Variants in HSD11B1 observed in about 807,000 individuals in gnomAD.
HSD11B1 encodes the protein hydroxysteroid 11-beta dehydrogenase 1, also known as 11-beta-hydroxysteroid dehydrogenase 1.
HSD11B1 carries 15 observed loss-of-function variants against 22.1 expected under a neutral mutation model. That is an observed-to-expected ratio of 0.68 (90% CI 0.45 to 1.04). The LOEUF (loss-of-function observed/expected upper bound fraction) is 1.04, where lower values mean the gene tolerates loss of function less well. Ranked by LOEUF, HSD11B1 falls within the 50% of genes least tolerant of loss-of-function variation. HSD11B1 has a pLI of 0.00. For missense variants in HSD11B1, 281 were observed against 357.6 expected, an observed-to-expected ratio of 0.79 and a Z score of 1.73; for synonymous variants, 122 against 125.2, an observed-to-expected ratio of 0.97 and a Z score of 0.17.
In HSD11B1 at chr1:209,727,122, A is replaced by G. The variant is rs1484750885; in HGVS notation, c.518-5314A>G. Reference sequence around the variant, plus strand: ...TGAATCCAATGACAAGTAACCTTATATGAAGAGTAAAAGACACAGACAGAA... The same window carrying G: ...TGAATCCAATGACAAGTAACCTTATGTGAAGAGTAAAAGACACAGACAGAA... On this transcript the variant is annotated intron_variant, in intron 4 of 5. Transcript: ENST00000367027. 2.0e-5 allele frequency among the ~76,000 whole-genome samples: 3 copies of G among 152,342 alleles called. No individual in the cohort carries two copies. In the East Asian group the frequency reaches 5.8e-4, roughly 29 times the overall value.
At chr1:209,716,953 C>T (rs538434235) in intron 4 of HSD11B1, among the ~76,000 whole-genome samples, 1 of 151,940 alleles carries the variant, frequency 6.6e-6, no homozygotes, top group Non-Finnish European at 1.5e-5. Flanking sequence ...ACTATGAAAC[C>T]AGAAGAAAAT....
chr1:209,698,359 T>G (rs940697457), intron 1 of HSD11B1, among the ~76,000 whole-genome samples: 3 of 152,226 alleles, frequency 2.0e-5, no homozygotes, highest in Admixed American at 6.5e-5. Flanking sequence ...GGCAACCCTA[T>G]GTCCCACCAG....
chr1:209,734,269 T>C lies in HSD11B1; in HGVS notation c.662-35T>C, dbSNP rs756038412. Reference sequence around the variant, plus strand: ...CCTTCCATCATGTAGACTGTCCTAGTCAGATAACCCTACTCTTCCCTTGTC... The same window carrying C: ...CCTTCCATCATGTAGACTGTCCTAGCCAGATAACCCTACTCTTCCCTTGTC... On this transcript the variant is annotated intron_variant, in intron 5 of 5. Coordinates refer to ENST00000367027, the MANE Select transcript of HSD11B1 (RefSeq NM_005525.4). 10 of 1,540,768 alleles carry C rather than the reference T, an allele frequency of 6.5e-6. No individual in the cohort carries two copies. In the South Asian group the frequency reaches 1.0e-4, roughly 16 times the overall value.
intron 1 of HSD11B1, among the ~76,000 whole-genome samples, chr1:209,696,162 T>C (rs1008658252): frequency 6.6e-6 from 1 of 152,200 alleles, no homozygotes; most frequent in Non-Finnish European, 1.5e-5. Flanking sequence ...AGTCTATACA[T>C]GGAAATAAAA....
chr1:209,699,074 CCCT>C (rs2076810633), intron 1 of HSD11B1, among the ~76,000 whole-genome samples: 2 of 152,118 alleles, frequency 1.3e-5, no homozygotes. Flanking sequence ...AGAACTTCTC[CCCT>C]CGTTAGACAC....
At chr1:209,703,602 A>G (rs2076837732), upstream of HSD11B1, among the ~76,000 whole-genome samples, 1 of 152,160 alleles carries the variant, frequency 6.6e-6, no homozygotes, top group South Asian at 2.1e-4. Flanking sequence ...TGGGTCTTAA[A>G]TTATTTTCTC....
At chr1:209,715,073 G>A (rs1558194071) in intron 4 of HSD11B1, among the ~76,000 whole-genome samples, 2 of 152,164 alleles carry the variant, frequency 1.3e-5, no homozygotes. Context: ...TGGCACTGGG[G>A]TGTCAGAACC....
At chr1:209,690,515 AGTG>A (rs1190157697) in intron 1 of HSD11B1, among the ~76,000 whole-genome samples, 5 of 151,980 alleles carry the variant, frequency 3.3e-5, no homozygotes, top group African/African-American at 4.8e-5. Context: ...TGGCCAACAT[AGTG>A]AAACCCCATC....
At chr1:209,722,699 C>T (rs1300019317) in intron 4 of HSD11B1, among the ~76,000 whole-genome samples, 1 of 152,146 alleles carries the variant, frequency 6.6e-6, no homozygotes, top group Non-Finnish European at 1.5e-5. Context: ...GGGGCAGGAT[C>T]CCAGATGACT....
chr1:209,722,005 T>C lies in HSD11B1; in HGVS notation c.518-10431T>C, dbSNP rs547216870. Reference sequence around the variant, plus strand: ...AAACTGCCCTGAGCGTCGGTGGATATAGACACAGGACATTGAGAACTATCT... The same window carrying C: ...AAACTGCCCTGAGCGTCGGTGGATACAGACACAGGACATTGAGAACTATCT... On this transcript the variant is annotated intron_variant, in intron 4 of 5. Coordinates refer to ENST00000367027, the MANE Select transcript of HSD11B1 (RefSeq NM_005525.4). 3.9e-5 allele frequency among the ~76,000 whole-genome samples: 6 copies of C among 152,298 alleles called. No individual in the cohort carries two copies. The South Asian group carries it at 1.2e-3, about 32-fold the overall frequency.
intron 4 of HSD11B1, among the ~76,000 whole-genome samples, chr1:209,721,366 C>G (rs530562276): frequency 9.3e-5 from 14 of 150,768 alleles, no homozygotes; most frequent in Admixed American, 6.6e-4. Context: ...TCAGCAATGA[C>G]CTCAATTACA....
At chr1:209,701,254 C>T (rs2076825013), upstream of HSD11B1, among the ~76,000 whole-genome samples, 1 of 152,168 alleles carries the variant, frequency 6.6e-6, no homozygotes, top group East Asian at 1.9e-4. Flanking sequence ...GCTGGGGAGG[C>T]CTCAGAATCA....
At chr1:209,728,582 G>A (rs1395483638) in intron 4 of HSD11B1, among the ~76,000 whole-genome samples, 1 of 152,142 alleles carries the variant, frequency 6.6e-6, no homozygotes, top group Admixed American at 6.5e-5. Context: ...CAAACAATAA[G>A]GAAAATTATT....
chr1:209,692,273 G>C (rs758254479), intron 1 of HSD11B1, among the ~76,000 whole-genome samples: 27 of 152,104 alleles, frequency 1.8e-4, no homozygotes, highest in Non-Finnish European at 3.2e-4. Flanking sequence ...CCTGGGGACT[G>C]TCAAAGAAAA....
chr1:209,707,179 AG>A (rs2076865868), intron 4 of HSD11B1, 51 bp downstream of exon 4: 2 of 1,416,412 alleles, frequency 1.4e-6, no homozygotes, highest in Non-Finnish European at 2.0e-6. Context: ...AAAAAATGCC[AG>A]GGATGATGCC....
chr1:209,706,672 A>C lies in HSD11B1; in HGVS notation c.220-37A>C. ...CAGAGACTACCCCCCAAAAATCTGC[A>C]GCTAAGACTGATGCCATTTCTGCTG... On this transcript the variant is annotated intron_variant, in intron 2 of 5. Coordinates refer to ENST00000367027, the MANE Select transcript of HSD11B1 (RefSeq NM_005525.4). The surrounding 1 kb of genome is among the most constrained non-coding windows in gnomAD (Gnocchi z 4.0). The C allele has an allele frequency of 6.9e-7, 1 of 1,447,752 alleles. No individual in the cohort carries two copies. The highest frequency in any genetic ancestry group is 9.7e-7 in the Non-Finnish European group (1 of 1,029,908). 89.7% of individuals were successfully genotyped at this position (1,447,752 alleles called of 1,614,324 possible).
chr1:209,703,672 A>T (rs1265098550), upstream of HSD11B1, among the ~76,000 whole-genome samples: 1 of 152,080 alleles, frequency 6.6e-6, no homozygotes, highest in Non-Finnish European at 1.5e-5. Context: ...ATCATAACTT[A>T]ATTTCCCTTA....
intron 4 of HSD11B1, among the ~76,000 whole-genome samples, chr1:209,730,223 T>C (rs1020162175): frequency 2.0e-5 from 3 of 152,198 alleles, no homozygotes; most frequent in Admixed American, 1.3e-4. Flanking sequence ...GATTCCTTCT[T>C]CTCAGGTAAT....
chr1:209,706,002 T>C lies in HSD11B1; in HGVS notation c.219+61T>C. Reference sequence around the variant, plus strand: ...ACATGCTCAGATGTGTTCTTATATATGCTCACATATACACAGAAGCTAGCA... The same window carrying C: ...ACATGCTCAGATGTGTTCTTATATACGCTCACATATACACAGAAGCTAGCA... On this transcript the variant is annotated intron_variant, in intron 2 of 5. Transcript: ENST00000367027. The surrounding 1 kb of genome is among the most constrained non-coding windows in gnomAD (Gnocchi z 4.0). 2 of 1,598,632 alleles carry C rather than the reference T, an allele frequency of 1.3e-6. No individual in the cohort carries two copies. The highest frequency in any genetic ancestry group is 1.7e-6 in the Non-Finnish European group (2 of 1,168,860).
Sources: gnomAD v4.1 joint callset for allele counts (sites outside exome capture counted in the v4.1 genomes callset) on GRCh38, gnomAD v4.1.1 for gene constraint, Gnocchi (gnomAD v3.1) non-coding constraint, MANE v1.5 for transcripts, NCBI Gene and HGNC (gene_info 2026-07-23, HGNC 2026-07-21) for gene names.